Variants in GRIK2 observed in about 807,000 individuals in gnomAD.
The protein encoded by GRIK2 is glutamate ionotropic receptor kainate type subunit 2.
In GRIK2, 32 loss-of-function variants were observed where a neutral mutation model predicts 100.3. That is an observed-to-expected ratio of 0.32 (90% CI 0.24 to 0.43). The LOEUF (loss-of-function observed/expected upper bound fraction) is 0.43, where lower values mean the gene tolerates loss of function less well. Among genes scored for constraint, GRIK2 ranks in the 20% least tolerant of loss-of-function variants. The pLI is 1.00. For synonymous variants in GRIK2, 417 were observed against 389.4 expected, an observed-to-expected ratio of 1.07 and a Z score of -0.83; for missense variants, 843 against 1,114.9, an observed-to-expected ratio of 0.76 and a Z score of 3.47.
intron 2 of GRIK2, among the ~76,000 whole-genome samples, chr6:101,576,211 C>T (rs1370481863): frequency 2.0e-5 from 3 of 151,968 alleles, no homozygotes; most frequent in Admixed American, 6.6e-5. Flanking sequence ...AAACATGTCT[C>T]TAAGCACTTT....
At chr6:101,970,681 C>CTGTTGTTAT (rs1562076619) in intron 14 of GRIK2, among the ~76,000 whole-genome samples, 1 of 150,910 alleles carries the variant, frequency 6.6e-6, no homozygotes, top group African/African-American at 2.5e-5. Flanking sequence ...ACTCATGCCC[C>CTGTTGTTAT]ATCCCAATAT....
chr6:101,433,045 T>C lies in GRIK2; in HGVS notation c.115+33653T>C, dbSNP rs146730198. On this transcript the variant is annotated intron_variant, in intron 2 of 16. Coordinates refer to ENST00000369134, the MANE Select transcript of GRIK2 (RefSeq NM_021956.5). ...GAGTGTTTGAGACACAAACGCTGAG[T>C]TGAGATCTATTGGCCTCTCATGGCA... 3.9e-3 allele frequency among the ~76,000 whole-genome samples: 590 copies of C among 152,184 alleles called. 3 individuals are homozygous for C. Among genetic ancestry groups the C allele is most frequent in the African/African-American group, 0.014 (561 of 41,544 alleles).
In GRIK2 at chr6:101,617,706, T is replaced by A. The variant is rs571271510; in HGVS notation, c.116-4243T>A. Among the ~76,000 whole-genome samples, 274 of 151,948 alleles carry A rather than the reference T, an allele frequency of 1.8e-3. 1 individual carries two copies. The highest frequency in any genetic ancestry group is 6.0e-3 in the African/African-American group (250 of 41,542). ...AATACCATGAAATTGATCACTTTTT[T>A]ATGTACATTGTCCATTTCAACTTAT... On this transcript the variant is annotated intron_variant, in intron 2 of 16. Transcript: ENST00000369134.
intron 4 of GRIK2, among the ~76,000 whole-genome samples, chr6:101,658,451 C>A (rs545651450): frequency 1.3e-5 from 2 of 152,286 alleles, no homozygotes; most frequent in African/African-American, 4.8e-5. Context: ...TCCAGTCTAT[C>A]ATTGATGGGC....
At chr6:101,998,002 A>T (rs981992931) in intron 14 of GRIK2, among the ~76,000 whole-genome samples, 3 of 152,122 alleles carry the variant, frequency 2.0e-5, no homozygotes, top group African/African-American at 4.8e-5. Context: ...GAAATTTTTA[A>T]CATACGTATA....
At chr6:101,431,813 G>A (rs1769418658) in intron 2 of GRIK2, among the ~76,000 whole-genome samples, 1 of 152,076 alleles carries the variant, frequency 6.6e-6, no homozygotes, top group Non-Finnish European at 1.5e-5. Flanking sequence ...ACACTGAAGT[G>A]GTTCAAGGGG....
chr6:101,974,841 G>T (rs982074855), intron 14 of GRIK2, among the ~76,000 whole-genome samples: 1 of 151,836 alleles, frequency 6.6e-6, no homozygotes, highest in Admixed American at 6.6e-5. Flanking sequence ...ATATAAGGGG[G>T]CATATATAAA....
chr6:101,814,296 A>G (rs12333203), intron 9 of GRIK2, among the ~76,000 whole-genome samples: 1 of 151,722 alleles, frequency 6.6e-6, no homozygotes, highest in Non-Finnish European at 1.5e-5. Context: ...CACTAATTAT[A>G]AAAAAATCCA....
At chr6:101,857,012 C>G (rs1784458507) in intron 10 of GRIK2, among the ~76,000 whole-genome samples, 1 of 152,064 alleles carries the variant, frequency 6.6e-6, no homozygotes, top group Non-Finnish European at 1.5e-5. Flanking sequence ...CTTAATAAAA[C>G]TTTTGAACCA....
At chr6:101,530,032 CT>C (rs934414611) in intron 2 of GRIK2, among the ~76,000 whole-genome samples, 1 of 151,934 alleles carries the variant, frequency 6.6e-6, no homozygotes, top group African/African-American at 2.4e-5. Flanking sequence ...AGATGTTTGA[CT>C]TTTTAGGATG....
At chr6:101,731,237 T>C (rs936504989) in intron 7 of GRIK2, among the ~76,000 whole-genome samples, 3 of 152,010 alleles carry the variant, frequency 2.0e-5, no homozygotes, top group Non-Finnish European at 1.5e-5. Context: ...GAAACTGTTT[T>C]GATGCCTTTA....
chr6:101,947,230 A>G (rs1791336792), intron 14 of GRIK2, among the ~76,000 whole-genome samples: 1 of 152,162 alleles, frequency 6.6e-6, no homozygotes, highest in African/African-American at 2.4e-5. Flanking sequence ...TTTAATACTA[A>G]CAATATGTAA....
chr6:101,450,347 A>G (rs1445649871), intron 2 of GRIK2, among the ~76,000 whole-genome samples: 1 of 151,710 alleles, frequency 6.6e-6, no homozygotes, highest in Non-Finnish European at 1.5e-5. Context: ...AGTGAACCTT[A>G]TTACAATATT....
intron 2 of GRIK2, among the ~76,000 whole-genome samples, chr6:101,567,787 A>C (rs1391854350): frequency 6.6e-6 from 1 of 152,004 alleles, no homozygotes; most frequent in Non-Finnish European, 1.5e-5. Context: ...GAATACTACC[A>C]TCCTGAATCC....
intron 2 of GRIK2, among the ~76,000 whole-genome samples, chr6:101,612,042 T>C (rs1235491222): frequency 6.6e-6 from 1 of 151,814 alleles, no homozygotes; most frequent in Non-Finnish European, 1.5e-5. Flanking sequence ...AGTGGCAATA[T>C]TACCCAGCAA....
chr6:101,729,816 C>A (rs916706796), intron 7 of GRIK2, among the ~76,000 whole-genome samples: 1 of 151,764 alleles, frequency 6.6e-6, no homozygotes, highest in Non-Finnish European at 1.5e-5. Context: ...ATTTGTCTAA[C>A]AATATTTGTT....
chr6:101,581,157 G>T (rs1448408289), intron 2 of GRIK2, among the ~76,000 whole-genome samples: 2 of 141,716 alleles, frequency 1.4e-5, no homozygotes, highest in South Asian at 4.5e-4. Flanking sequence ...ATTAATAGGA[G>T]ATATATATAC....
chr6:101,734,098 A>G (rs760103892), intron 7 of GRIK2, among the ~76,000 whole-genome samples: 3 of 152,202 alleles, frequency 2.0e-5, no homozygotes, highest in African/African-American at 4.8e-5. Context: ...CTGCTTCCAC[A>G]TATGCAGGTA....
intron 4 of GRIK2, among the ~76,000 whole-genome samples, chr6:101,633,766 A>T (rs1011985258): frequency 2.0e-5 from 3 of 152,182 alleles, no homozygotes; most frequent in Non-Finnish European, 4.4e-5. Context: ...CACAAAGAGC[A>T]TATCATTTAG....
Sources: allele counts gnomAD v4.1 joint callset (sites outside exome capture counted in the v4.1 genomes callset), GRCh38; gene constraint gnomAD v4.1.1; transcripts MANE v1.5; gene names NCBI Gene and HGNC (gene_info 2026-07-23, HGNC 2026-07-21).